The following SAMMSON variants were observed in gnomAD, a reference collection of about 807,000 sequenced individuals.
SAMMSON encodes long intergenic non-protein coding RNA 1212.
intron 4 of SAMMSON, among the ~76,000 whole-genome samples, chr3:70,141,004 G>A (rs578136440): frequency 5.3e-5 from 8 of 152,138 alleles, no homozygotes; most frequent in African/African-American, 1.9e-4. Context: ...GACATTCATG[G>A]CAATGTAGGT....
At chr3:70,253,398 A>G (rs1701787637) in intron 6 of SAMMSON, among the ~76,000 whole-genome samples, 2 of 152,156 alleles carry the variant, frequency 1.3e-5, no homozygotes, top group African/African-American at 4.8e-5. Context: ...AGAGTGGATG[A>G]AGAGTTGTAG....
intron 4 of SAMMSON, among the ~76,000 whole-genome samples, chr3:70,087,278 C>A (rs545059504): frequency 3.3e-5 from 5 of 152,304 alleles, no homozygotes; most frequent in African/African-American, 1.2e-4. Flanking sequence ...TTCCAGAATT[C>A]TATCTGCAAA....
intron 7 of SAMMSON, among the ~76,000 whole-genome samples, chr3:70,353,929 T>C (rs934910818): frequency 6.6e-6 from 1 of 152,184 alleles, no homozygotes; most frequent in Non-Finnish European, 1.5e-5. Context: ...GGATATATGC[T>C]AAGGGATAAA....
In SAMMSON at chr3:70,290,565, C is replaced by T. The variant is rs561225683; in HGVS notation, n.675-614C>T. 1.3e-5 allele frequency among the ~76,000 whole-genome samples: 2 copies of T among 152,350 alleles called. 1 individual carries two copies. The highest frequency in any genetic ancestry group is 4.1e-4 in the South Asian group (2 of 4,828). On this transcript the variant is annotated intron_variant and non_coding_transcript_variant, in intron 6 of 9. Transcript: ENST00000642114. ...GGAGCCTACAGAGGCAGGCAGGCCT[C>T]CTTGAGCTGTGGTGGGCTCCACCCA... is the stretch of plus-strand genomic sequence containing the variant.
rs576116564 is a variant in SAMMSON, at chr3:70,286,050, C to G, written n.675-5129C>G. 1.1e-4 allele frequency among the ~76,000 whole-genome samples: 16 copies of G among 152,186 alleles called. No homozygotes were observed. The South Asian group carries it at 3.1e-3, about 30-fold the overall frequency. On this transcript the variant is annotated intron_variant and non_coding_transcript_variant, in intron 6 of 9. Transcript: ENST00000642114. ...GGTAGTTTCTTTTGCTGTGCAGAAG[C>G]TCTTTAGTTTAATGAGATCCCATTT... is the stretch of plus-strand genomic sequence containing the variant.
intron 4 of SAMMSON, among the ~76,000 whole-genome samples, chr3:70,187,975 C>T (rs925383943): frequency 1.3e-5 from 2 of 152,114 alleles, no homozygotes; most frequent in Admixed American, 6.5e-5. Context: ...TTGGACATAC[C>T]TCCCACCACA....
At chr3:70,358,417 T>G (rs1575633030) in intron 9 of SAMMSON, 1 of 152,168 alleles carries the variant, frequency 6.6e-6, no homozygotes, top group Non-Finnish European at 1.5e-5. Context: ...AAGCTGGCCA[T>G]TTAATATTTA....
At chr3:70,118,990 T>G (rs541176634) in intron 4 of SAMMSON, among the ~76,000 whole-genome samples, 5 of 152,300 alleles carry the variant, frequency 3.3e-5, no homozygotes, top group African/African-American at 1.2e-4. Context: ...TCTGCTTTTC[T>G]GTGCACTCTT....
chr3:70,410,290 T>C (rs758593709), intron 2 of SAMMSON, among the ~76,000 whole-genome samples: 4 of 152,232 alleles, frequency 2.6e-5, no homozygotes, highest in Non-Finnish European at 4.4e-5. Flanking sequence ...GTGTTCATTC[T>C]GTAGCTGCAG....
intron 4 of SAMMSON, among the ~76,000 whole-genome samples, chr3:70,235,377 C>G (rs12494365): frequency 0.027 from 4,092 of 152,280 alleles, 72 homozygotes; most frequent in Middle Eastern, 0.065. Context: ...TTTCATCACC[C>G]ACTCACTCCT....
chr3:70,396,127 T>G (rs937738858), intron 2 of SAMMSON, among the ~76,000 whole-genome samples: 12 of 152,164 alleles, frequency 7.9e-5, no homozygotes, highest in African/African-American at 2.9e-4. Flanking sequence ...GCACAGTGAC[T>G]GGCACATAAT....
intron 1 of SAMMSON, among the ~76,000 whole-genome samples, chr3:70,000,286 C>T (rs1266384978): frequency 2.0e-5 from 3 of 152,106 alleles, no homozygotes; most frequent in South Asian, 2.1e-4. Context: ...GTCTGAGCAG[C>T]GGGGCGCTGA....
chr3:70,212,067 T>G (rs1369221000), intron 4 of SAMMSON, among the ~76,000 whole-genome samples: 1 of 152,094 alleles, frequency 6.6e-6, no homozygotes, highest in East Asian at 1.9e-4. Flanking sequence ...AAGGCCGTAT[T>G]TGTCCACACT....
chr3:70,217,230 T>C (rs34447534), intron 4 of SAMMSON, among the ~76,000 whole-genome samples: 23,372 of 152,130 alleles, frequency 0.15, 2,566 homozygotes, highest in East Asian at 0.56. Flanking sequence ...TTAGCATTTC[T>C]TACATGGTGA....
chr3:70,107,319 A>G (rs1321965888), intron 4 of SAMMSON, among the ~76,000 whole-genome samples: 1 of 152,170 alleles, frequency 6.6e-6, no homozygotes, highest in Non-Finnish European at 1.5e-5. Flanking sequence ...AGGATATGGA[A>G]CAAGGTAAGA....
chr3:70,171,085 G>T (rs1430234906), intron 4 of SAMMSON, among the ~76,000 whole-genome samples: 1 of 151,770 alleles, frequency 6.6e-6, no homozygotes, highest in African/African-American at 2.4e-5. Flanking sequence ...TGCAATGAAA[G>T]ACTTCCAGAA....
intron 3 of SAMMSON, among the ~76,000 whole-genome samples, chr3:70,055,410 T>C (rs1262058198): frequency 6.6e-6 from 1 of 152,170 alleles, no homozygotes; most frequent in Non-Finnish European, 1.5e-5. Flanking sequence ...TTGGTTGTAG[T>C]ATTTTTAAAA....
At chr3:70,431,329 A>G (rs1412895908) in intron 2 of SAMMSON, among the ~76,000 whole-genome samples, 1 of 152,014 alleles carries the variant, frequency 6.6e-6, no homozygotes, top group African/African-American at 2.4e-5. Context: ...TTGGGTGAAA[A>G]AGAAATCTGT....
chr3:70,220,238 A>G (rs1451585249), intron 4 of SAMMSON, among the ~76,000 whole-genome samples: 1 of 152,060 alleles, frequency 6.6e-6, no homozygotes, highest in Non-Finnish European at 1.5e-5. Flanking sequence ...CAATAGTCTC[A>G]TGTATTATCA....
Sources: gnomAD v4.1 joint callset for allele counts (sites outside exome capture counted in the v4.1 genomes callset) on GRCh38, gnomAD v4.1.1 for gene constraint, MANE v1.5 for transcripts, NCBI Gene and HGNC (gene_info 2026-07-23, HGNC 2026-07-21) for gene names.